Variants in LRRC75A observed in about 807,000 individuals in gnomAD.
LRRC75A encodes the protein leucine-rich repeat-containing protein 75A.
Under a neutral mutation model 26.0 loss-of-function variants are expected in LRRC75A, and 12 were observed. The observed-to-expected ratio is 0.46, with a 90% confidence interval of 0.30 to 0.75. The LOEUF (loss-of-function observed/expected upper bound fraction) is 0.75. Ranked by LOEUF, LRRC75A falls within the 30% of genes least tolerant of loss-of-function variation. LRRC75A has a pLI of 0.08. For missense variants in LRRC75A, 410 were observed against 486.6 expected, an observed-to-expected ratio of 0.84 and a Z score of 1.48; for synonymous variants, 223 against 219.3, an observed-to-expected ratio of 1.02 and a Z score of -0.15.
rs1287031185 is a variant in LRRC75A, at chr17:16,492,125, C to T, written c.-135G>A. ...GGGGAACTGTTGCGCGCGGGCGTCG[C>T]GGGGGCGGGCGGGCGGGCGGCTGTC... On this transcript the variant is annotated 5_prime_UTR_variant, in exon 1 of 4. Transcript: ENST00000470794. The T allele has an allele frequency of 2.9e-6, 2 of 688,392 alleles. No individual in the cohort carries two copies. The highest frequency in any genetic ancestry group is 4.0e-5 in the African/African-American group (2 of 50,484). 42.6% of individuals were successfully genotyped at this position (688,392 alleles called of 1,614,324 possible). A position where few individuals can be genotyped will look rare whatever the true frequency, so the allele number is the denominator to read the frequency against.
chr17:16,475,841 G>A (rs986739079), intron 1 of LRRC75A, among the ~76,000 whole-genome samples: 1 of 152,088 alleles, frequency 6.6e-6, no homozygotes, highest in Non-Finnish European at 1.5e-5. Flanking sequence ...GAGGTCCAGA[G>A]TTTGAGACCG....
In LRRC75A at chr17:16,442,517, G is replaced by A. The variant is rs1284629525; in HGVS notation, c.*1071C>T. 2.6e-5 allele frequency: 4 copies of A among 152,222 alleles called. No homozygotes were observed. Among genetic ancestry groups the A allele is most frequent in the Non-Finnish European group, 5.9e-5 (4 of 68,056 alleles). The allele number at this position is 152,222 out of a possible 1,614,324, so 9.4% of individuals were successfully genotyped here. A position where few individuals can be genotyped will look rare whatever the true frequency, so the allele number is the denominator to read the frequency against. The stretch of plus-strand genomic sequence containing the variant: ...TCAGTAGGACAGTATTTGGGTAAGG[G>A]GAGGGTATAAGATGAGAACCTTTGC... On this transcript the variant is annotated 3_prime_UTR_variant, in exon 4 of 4. Coordinates refer to ENST00000470794, the MANE Select transcript of LRRC75A (RefSeq NM_001113567.3).
At chr17:16,486,424 C>A (rs2093847319) in intron 1 of LRRC75A, among the ~76,000 whole-genome samples, 1 of 152,218 alleles carries the variant, frequency 6.6e-6, no homozygotes, top group African/African-American at 2.4e-5. Flanking sequence ...CAGCCAGTGT[C>A]CCTGGCAGCC....
chr17:16,451,576 C>T (rs150180796), intron 2 of LRRC75A, among the ~76,000 whole-genome samples: 16,304 of 149,254 alleles, frequency 0.11, 981 homozygotes, highest in Non-Finnish European at 0.13. Context: ...GAGCCGAGAT[C>T]GCACCACTGC....
chr17:16,471,851 TA>T (rs2093807359), intron 1 of LRRC75A, among the ~76,000 whole-genome samples: 2 of 152,296 alleles, frequency 1.3e-5, no homozygotes, highest in African/African-American at 4.8e-5. Context: ...CAAGAGTATC[TA>T]ATCATTCAAA....
intron 2 of LRRC75A, chr17:16,460,892 G>A (rs1415509633): frequency 1.3e-5 from 2 of 152,322 alleles, no homozygotes; most frequent in African/African-American, 4.8e-5. Context: ...CACCTCCCTA[G>A]GCAGAACCGG....
chr17:16,491,858 C>T lies in LRRC75A; in HGVS notation c.133G>A (p.Gly45Ser). The change falls in exon 1 of 4, where the codon GGC becomes AGC. Residue 45 changes from glycine to serine, a missense_variant. Physicochemically the swap from Gly to Ser is moderately conservative, Grantham distance 56. Transcript: ENST00000470794. This position sits in a 1 kb window ranked among gnomAD's most constrained non-coding sequence, Gnocchi z 5.9. ...LRAGDKAGRA[G>S]AGMPPYHRRV... is the part of the protein sequence containing the mutation. ...CGGTGGTAGGGGGGCATCCCCGCGC[C>T]CGCGCGCCCCGCCTTGTCCCCGGCG... is the stretch of plus-strand genomic sequence containing the variant. 7.2e-7 allele frequency: 1 copy of T among 1,391,964 alleles called. No individual in the cohort carries two copies. The highest frequency in any genetic ancestry group is 9.4e-7 in the Non-Finnish European group (1 of 1,068,674). The allele number at this position is 1,391,964 out of a possible 1,614,324, so 86.2% of individuals were successfully genotyped here.
intron 2 of LRRC75A, among the ~76,000 whole-genome samples, chr17:16,451,887 G>A (rs1439356603): frequency 2.0e-5 from 3 of 150,634 alleles, no homozygotes; most frequent in Non-Finnish European, 4.4e-5. Context: ...TGGGACTACA[G>A]GCGCCCGCCA....
At chr17:16,465,139 T>C (rs2093758307) in intron 1 of LRRC75A, among the ~76,000 whole-genome samples, 1 of 152,228 alleles carries the variant, frequency 6.6e-6, no homozygotes. Context: ...GGGCTGCTCC[T>C]CTGTGGTTGG....
intron 1 of LRRC75A, among the ~76,000 whole-genome samples, chr17:16,483,828 G>A (rs907552167): frequency 2.6e-5 from 4 of 152,204 alleles, no homozygotes; most frequent in Non-Finnish European, 5.9e-5. Context: ...CTGCTGCCAT[G>A]GTTTTCTCCT....
At chr17:16,459,340 G>C (rs1277741439) in intron 2 of LRRC75A, among the ~76,000 whole-genome samples, 1 of 152,208 alleles carries the variant, frequency 6.6e-6, no homozygotes, top group Non-Finnish European at 1.5e-5. Flanking sequence ...ACACTAGGCA[G>C]GCTTGTCAAC....
intron 1 of LRRC75A, among the ~76,000 whole-genome samples, chr17:16,471,904 T>C (rs2093807498): frequency 6.6e-6 from 1 of 152,010 alleles, no homozygotes; most frequent in South Asian, 2.1e-4. Flanking sequence ...TGGCAGTTGC[T>C]GGGACTGGGG....
intron 1 of LRRC75A, among the ~76,000 whole-genome samples, chr17:16,485,667 T>TGTTC (rs1259052424): frequency 8.2e-6 from 1 of 121,476 alleles, no homozygotes; most frequent in Non-Finnish European, 1.7e-5. Flanking sequence ...TGTGTGTGTG[T>TGTTC]GTTCGTGTGT....
chr17:16,461,813 G>A (rs2093729699), intron 2 of LRRC75A, among the ~76,000 whole-genome samples: 1 of 152,210 alleles, frequency 6.6e-6, no homozygotes, highest in South Asian at 2.1e-4. Flanking sequence ...GGTGGGTAGA[G>A]AGAGGGCTGG....
At chr17:16,456,272 AG>A (rs2093680999) in intron 2 of LRRC75A, among the ~76,000 whole-genome samples, 1 of 123,790 alleles carries the variant, frequency 8.1e-6, no homozygotes, top group Non-Finnish European at 1.7e-5. Context: ...GAAGAGGAGG[AG>A]GAGGAAGAGG....
chr17:16,444,661 A>G (rs531979936), intron 3 of LRRC75A, among the ~76,000 whole-genome samples: 1 of 151,868 alleles, frequency 6.6e-6, no homozygotes, highest in East Asian at 1.9e-4. Flanking sequence ...AGGGGCTCTG[A>G]GCCTGGTGGC....
At chr17:16,451,745 C>CT (rs776667196) in intron 2 of LRRC75A, among the ~76,000 whole-genome samples, 2 of 151,302 alleles carry the variant, frequency 1.3e-5, no homozygotes, top group Non-Finnish European at 2.9e-5. Flanking sequence ...CTCAGGGGAG[C>CT]TTTTTTTTCT....
intron 2 of LRRC75A, among the ~76,000 whole-genome samples, chr17:16,454,619 A>G (rs1295260459): frequency 2.0e-5 from 3 of 152,068 alleles, no homozygotes; most frequent in African/African-American, 7.2e-5. Flanking sequence ...TGAACCCAGG[A>G]GGCAGAGGTT....
intron 1 of LRRC75A, among the ~76,000 whole-genome samples, chr17:16,472,994 C>T (rs1177538982): frequency 2.0e-5 from 3 of 151,982 alleles, no homozygotes; most frequent in Non-Finnish European, 4.4e-5. Flanking sequence ...CCTTGAACAT[C>T]GACATTTAAA....
Sources: allele counts gnomAD v4.1 joint callset (sites outside exome capture counted in the v4.1 genomes callset), GRCh38; gene constraint gnomAD v4.1.1; non-coding constraint Gnocchi (gnomAD v3.1); transcripts MANE v1.5; gene names NCBI Gene and HGNC (gene_info 2026-07-23, HGNC 2026-07-21).